PHF2: variants seen among roughly 807,000 people sequenced by gnomAD.
The protein encoded by PHF2 is PHD finger protein 2.
PHF2 carries 27 observed loss-of-function variants against 120.5 expected under a neutral mutation model. That is an observed-to-expected ratio of 0.22 (90% CI 0.17 to 0.31). The LOEUF is 0.31. Ranked by LOEUF, PHF2 falls within the 10% of genes least tolerant of loss-of-function variation. PHF2 has a pLI of 1.00. For synonymous variants in PHF2, 568 were observed against 592.5 expected (o/e 0.96, Z 0.60); for missense variants, 1,024 against 1,434.8 (o/e 0.71, Z 4.63).
At chr9:93,614,979 A>G (rs1157752391) in intron 1 of PHF2, among the ~76,000 whole-genome samples, 1 of 144,016 alleles carries the variant, frequency 6.9e-6, no homozygotes, top group Admixed American at 6.9e-5. Context: ...TGATGACGGT[A>G]ATGGTGATGA....
chr9:93,617,051 C>T (rs986656951), intron 1 of PHF2, among the ~76,000 whole-genome samples: 7 of 152,268 alleles, frequency 4.6e-5, no homozygotes, highest in African/African-American at 1.4e-4. Flanking sequence ...GAATGCAATC[C>T]GGTTGTGCTG....
Position 93,653,209 on chromosome 9 carries a change from T to C in PHF2, c.633T>C (p.Ile211=). The C allele has an allele frequency of 1.2e-6, 2 of 1,614,158 alleles. No homozygotes were observed. The highest frequency in any genetic ancestry group is 1.7e-6 in the Non-Finnish European group (2 of 1,180,020). ...CCAGCTTCGTGGAGCCACCTGACAT[T>C]GTAAAGAAACTGTCATGGGTAGAAA... The part of the protein sequence containing the change: ...RMSSFVEPPD[I]VKKLSWVENY... Residue 211 remains isoleucine, a synonymous_variant, in exon 6 of 22, where the codon ATT becomes ATC. Coordinates refer to ENST00000359246, the MANE Select transcript of PHF2 (RefSeq NM_005392.4).
chr9:93,663,960 C>T (rs1348478104), intron 14 of PHF2, among the ~76,000 whole-genome samples: 1 of 152,230 alleles, frequency 6.6e-6, no homozygotes, highest in Non-Finnish European at 1.5e-5. Context: ...CCCTGCCTCC[C>T]ACCACGCTCC....
chr9:93,655,487 G>A (rs1036469459), intron 7 of PHF2, among the ~76,000 whole-genome samples: 14 of 152,198 alleles, frequency 9.2e-5, no homozygotes, highest in South Asian at 6.2e-4. Flanking sequence ...TCCCAGCTGC[G>A]ATGCAGCTGC....
At chr9:93,603,337 C>T (rs892571055) in intron 1 of PHF2, among the ~76,000 whole-genome samples, 19 of 152,170 alleles carry the variant, frequency 1.2e-4, no homozygotes, top group African/African-American at 3.9e-4. Context: ...TGGTTGTCTA[C>T]GGCAGGGAAG....
intron 5 of PHF2, among the ~76,000 whole-genome samples, chr9:93,650,203 ACACT>A (rs888132922): frequency 4.6e-5 from 7 of 151,840 alleles, no homozygotes; most frequent in African/African-American, 7.3e-5. Flanking sequence ...ACACACCGAC[ACACT>A]CACATGACAT....
chr9:93,620,685 G>A (rs551221952), intron 1 of PHF2, among the ~76,000 whole-genome samples: 34 of 152,338 alleles, frequency 2.2e-4, no homozygotes, highest in Admixed American at 6.5e-4. Context: ...ACATGGCCTT[G>A]GGATGCTGTA....
At chr9:93,654,707 C>T in intron 7 of PHF2, 132 bp downstream of exon 7, 1 of 883,938 alleles carries the variant, frequency 1.1e-6, no homozygotes, top group Admixed American at 1.9e-5. Context: ...CTCCCTTGTC[C>T]TGAGCATATG....
chr9:93,662,122 GATGA>G (rs758033299), intron 12 of PHF2, among the ~76,000 whole-genome samples: 70 of 151,624 alleles, frequency 4.6e-4, no homozygotes, highest in Middle Eastern at 3.4e-3. Context: ...TGAATAAATG[GATGA>G]ATGAATGGAT....
Position 93,677,491 on chromosome 9 carries a change from C to G in PHF2, c.3203-97C>G. ...TACAGATGGGGGACTGCAGGCTGCCCCTTAGTGTCAGCGGGACCCTCCCCC... is the reference window on the plus strand; with the variant it reads ...TACAGATGGGGGACTGCAGGCTGCCGCTTAGTGTCAGCGGGACCCTCCCCC... On this transcript the variant is annotated intron_variant, in intron 21 of 21. Transcript: ENST00000359246. This position sits in a 1 kb window ranked among gnomAD's most constrained non-coding sequence, Gnocchi z 4.4. 5 of 856,594 alleles carry G rather than the reference C, an allele frequency of 5.8e-6. No homozygotes were observed. Among genetic ancestry groups the G allele is most frequent in the Non-Finnish European group, 9.7e-6 (5 of 513,936 alleles). 53.1% of individuals were successfully genotyped at this position (856,594 alleles called of 1,614,324 possible).
intron 1 of PHF2, among the ~76,000 whole-genome samples, chr9:93,611,871 A>G (rs1825641766): frequency 6.6e-6 from 1 of 152,174 alleles, no homozygotes; most frequent in Non-Finnish European, 1.5e-5. Flanking sequence ...TACATAGGAA[A>G]ATATTCAATA....
chr9:93,638,109 C>A (rs1408511437), intron 3 of PHF2, among the ~76,000 whole-genome samples: 2 of 151,540 alleles, frequency 1.3e-5, no homozygotes, highest in Non-Finnish European at 2.9e-5. Context: ...AGGTCCTTTG[C>A]CCATTTTTAA....
rs759355318 is a variant in PHF2 at position 93,636,465 on chromosome 9, A to G, written c.239A>G (p.Lys80Arg). ...KHGPGQAPDV[K>R]PVQNGSQLFI... is the part of the protein sequence containing the mutation. The stretch of plus-strand genomic sequence containing the variant: ...GGCCCGGGGCAAGCGCCTGACGTCA[A>G]GCCCGTGCAGAATGGCAGCCAGCTC... Residue 80 changes from lysine to arginine, a missense_variant, in exon 3 of 22, where the codon AAG (lysine) becomes AGG (arginine). Around this residue, in one of 2 missense-constraint regions of PHF2, gnomAD observed 347 missense variants for 577.4 expected, o/e 0.60. Coordinates refer to ENST00000359246, the MANE Select transcript of PHF2 (RefSeq NM_005392.4). The G allele has an allele frequency of 1.2e-6, 2 of 1,610,152 alleles. No individual in the cohort carries two copies. The highest frequency in any genetic ancestry group is 1.3e-5 in the African/African-American group (1 of 74,894).
At position 93,676,767 on chromosome 9, in the gene PHF2, G is replaced by A; in HGVS notation, c.3006G>A (p.Gln1002=). The A allele has an allele frequency of 1.3e-6, 2 of 1,519,454 alleles. No individual in the cohort carries two copies. Among genetic ancestry groups the A allele is most frequent in the Non-Finnish European group, 1.8e-6 (2 of 1,132,764 alleles). 94.1% of individuals were successfully genotyped at this position (1,519,454 alleles called of 1,614,324 possible). A position where few individuals can be genotyped will look rare whatever the true frequency, so the allele number is the denominator to read the frequency against. The change falls in exon 21 of 22, where the codon CAG becomes CAA. Residue 1002 remains glutamine, a synonymous_variant. Coordinates refer to ENST00000359246, the MANE Select transcript of PHF2 (RefSeq NM_005392.4). ...TPASTSTASS[Q]ASQEGSSPEP... is the part of the protein sequence containing the mutation. ...CCTCCACCAGCACGGCCAGCAGCCA[G>A]GCCTCGCAGGAGGGCAGCTCGCCAG... is the stretch of plus-strand genomic sequence containing the variant.
At position 93,655,518 on chromosome 9, in the gene PHF2, C is replaced by G. The variant is rs570026591; in HGVS notation, c.953-416C>G. Among the ~76,000 whole-genome samples, 22 of 152,328 alleles carry G rather than the reference C, an allele frequency of 1.4e-4. No homozygotes were observed. In the East Asian group the frequency reaches 2.1e-3, roughly 15 times the overall value. ...GCTGCCCCAGCCTTGTCTCCTGCTC[C>G]TGAGTGTGGTTGGGAGGCCAGGTAG... is the stretch of plus-strand genomic sequence containing the variant. On this transcript the variant is annotated intron_variant, in intron 7 of 21. Transcript: ENST00000359246.
At chr9:93,675,155 C>T (rs900622398) in intron 19 of PHF2, 133 bp downstream of exon 19, 8 of 705,582 alleles carry the variant, frequency 1.1e-5, no homozygotes, top group East Asian at 2.7e-5. Context: ...CTGGGCAGCC[C>T]GTCCCGCTGG....
intron 17 of PHF2, among the ~76,000 whole-genome samples, chr9:93,672,241 T>A (rs55813150): frequency 4.0e-5 from 5 of 123,740 alleles, no homozygotes; most frequent in African/African-American, 6.4e-5. Flanking sequence ...TGGGTGTGGA[T>A]GTAGGTACAG....
chr9:93,607,445 T>C (rs1825561916), intron 1 of PHF2, among the ~76,000 whole-genome samples: 2 of 148,216 alleles, frequency 1.3e-5, no homozygotes, highest in Admixed American at 1.3e-4. Context: ...GCTAATTTTT[T>C]TTTTTTTTTT....
chr9:93,613,571 T>C (rs1296099934), intron 1 of PHF2, among the ~76,000 whole-genome samples: 1 of 150,470 alleles, frequency 6.6e-6, no homozygotes, highest in Admixed American at 6.6e-5. Context: ...TTTTTTTTTT[T>C]TTTTTTGAGA....
Sources: gnomAD v4.1 joint callset for allele counts (sites outside exome capture counted in the v4.1 genomes callset) on GRCh38, gnomAD v4.1.1 for gene constraint, gnomAD v4.1.1 regional missense constraint, Gnocchi (gnomAD v3.1) non-coding constraint, MANE v1.5 for transcripts, NCBI Gene and HGNC (gene_info 2026-07-23, HGNC 2026-07-21) for gene names.